Variants in TRMT11 observed in about 807,000 individuals in gnomAD.
The protein encoded by TRMT11 is tRNA (guanine(10)-N(2))-methyltransferase TRMT11.
TRMT11 carries 53 observed loss-of-function variants against 62.8 expected under a neutral mutation model. The observed-to-expected ratio is 0.84, with a 90% CI of 0.68 to 1.06. TRMT11 has a LOEUF of 1.06. Ranked by LOEUF, TRMT11 falls within the 50% of genes least tolerant of loss-of-function variation. The probability of loss-of-function intolerance (pLI) is 0.00; values close to 1 mark genes in which losing one functional copy is unlikely to be tolerated. For synonymous variants in TRMT11, 188 were observed against 190.3 expected, an observed-to-expected ratio of 0.99 and a Z score of 0.10; for missense variants, 556 against 553.4, an observed-to-expected ratio of 1.00 and a Z score of -0.05.
the TRMT11 span, among the ~76,000 whole-genome samples, chr6:126,269,127 A>G: frequency 9.4e-5 from 14 of 149,640 alleles, no homozygotes; most frequent in African/African-American, 2.9e-4. Flanking sequence ...AGCCGGGCGT[A>G]GTGGCGGGCG....
intron 21 of TRMT11, among the ~76,000 whole-genome samples, chr6:126,118,089 C>T (rs1404010780): frequency 6.6e-6 from 1 of 152,058 alleles, no homozygotes; most frequent in Non-Finnish European, 1.5e-5. Flanking sequence ...ATAAATGTTT[C>T]CTGAGAGTCT....
intron 17 of TRMT11, among the ~76,000 whole-genome samples, chr6:126,079,241 A>G (rs1303877020): frequency 6.6e-6 from 1 of 152,096 alleles, no homozygotes; most frequent in Non-Finnish European, 1.5e-5. Context: ...TTATAAGTTT[A>G]TATGTTTAAT....
the TRMT11 span, among the ~76,000 whole-genome samples, chr6:126,215,146 A>T: frequency 1.4e-4 from 21 of 152,036 alleles, 1 homozygote; most frequent in East Asian, 3.3e-3. Flanking sequence ...TGCTGAAGAG[A>T]AGGATGTGTA....
chr6:126,250,454 G>T, the TRMT11 span, among the ~76,000 whole-genome samples: 1 of 152,050 alleles, frequency 6.6e-6, no homozygotes, highest in East Asian at 1.9e-4. Context: ...TGTAAAACAG[G>T]GTGTGTCATA....
At chr6:126,155,484 C>G (rs1778107760) in intron 21 of TRMT11, among the ~76,000 whole-genome samples, 1 of 152,190 alleles carries the variant, frequency 6.6e-6, no homozygotes, top group Non-Finnish European at 1.5e-5. Flanking sequence ...AAAATCATCC[C>G]CTGCCAATAG....
chr6:126,211,239 G>T, the TRMT11 span, among the ~76,000 whole-genome samples: 1 of 152,152 alleles, frequency 6.6e-6, no homozygotes, highest in African/African-American at 2.4e-5. Flanking sequence ...CTTGTATTGT[G>T]TTAGACTTTT....
chr6:126,029,590 TA>T (rs531770972), intron 12 of TRMT11, among the ~76,000 whole-genome samples: 1 of 152,188 alleles, frequency 6.6e-6, no homozygotes, highest in Admixed American at 6.5e-5. Flanking sequence ...AAAACTCACC[TA>T]GGAGAGGAAT....
chr6:126,272,340 G>A, the TRMT11 span, among the ~76,000 whole-genome samples: 4 of 152,114 alleles, frequency 2.6e-5, no homozygotes, highest in African/African-American at 9.6e-5. Flanking sequence ...AAATTTTGAT[G>A]TTTTTTGCAT....
At chr6:126,088,910 A>T (rs1279320247) in intron 17 of TRMT11, among the ~76,000 whole-genome samples, 2 of 152,212 alleles carry the variant, frequency 1.3e-5, no homozygotes, top group African/African-American at 2.4e-5. Context: ...CACTTTTTAT[A>T]TCTAAAATAG....
chr6:126,113,168 G>A (rs1777551001), intron 18 of TRMT11, among the ~76,000 whole-genome samples: 1 of 152,022 alleles, frequency 6.6e-6, no homozygotes, highest in Non-Finnish European at 1.5e-5. Flanking sequence ...GGTTTGAGGG[G>A]CGTTATGTTC....
chr6:126,134,754 T>C (rs577954330), intron 21 of TRMT11, among the ~76,000 whole-genome samples: 1 of 151,816 alleles, frequency 6.6e-6, no homozygotes, highest in Non-Finnish European at 1.5e-5. Flanking sequence ...ACAAAACAAG[T>C]CTCAACAAAT....
At chr6:126,209,723 C>T in the TRMT11 span, among the ~76,000 whole-genome samples, 1 of 151,840 alleles carries the variant, frequency 6.6e-6, no homozygotes, top group South Asian at 2.1e-4. Context: ...GGCGAGACTC[C>T]ATCTCAAAAA....
chr6:126,220,539 G>T, the TRMT11 span, among the ~76,000 whole-genome samples: 5 of 152,292 alleles, frequency 3.3e-5, no homozygotes, highest in Admixed American at 3.3e-4. Flanking sequence ...TATATCCAGA[G>T]TTTCACGCTC....
At chr6:126,269,927 A>T in the TRMT11 span, among the ~76,000 whole-genome samples, 55 of 152,338 alleles carry the variant, frequency 3.6e-4, no homozygotes, top group Non-Finnish European at 6.0e-4. Context: ...CCTGTAAGAG[A>T]GGGAGTGGTG....
chr6:126,002,058 C>A (rs543638880), intron 7 of TRMT11, among the ~76,000 whole-genome samples: 62 of 152,098 alleles, frequency 4.1e-4, no homozygotes, highest in African/African-American at 1.5e-3. Context: ...TGGAGTACTT[C>A]CTTACTTTCT....
intron 9 of TRMT11, 74 bp from the exon 10 acceptor site, chr6:126,012,697 C>A: frequency 9.4e-7 from 1 of 1,061,616 alleles, no homozygotes; most frequent in South Asian, 1.4e-5. Flanking sequence ...CATTTGAAGG[C>A]AGCATGGCTG....
chr6:126,158,290 G>A (rs1778144226), intron 21 of TRMT11, among the ~76,000 whole-genome samples: 1 of 152,104 alleles, frequency 6.6e-6, no homozygotes, highest in South Asian at 2.1e-4. Flanking sequence ...TGGACTGTTT[G>A]ACCTGTAAAG....
chr6:126,146,230 A>T (rs1012719652), intron 21 of TRMT11, among the ~76,000 whole-genome samples: 1 of 152,102 alleles, frequency 6.6e-6, no homozygotes, highest in African/African-American at 2.4e-5. Context: ...TGTTTTATGA[A>T]TTCAGTCTCA....
At chr6:126,118,683 G>C (rs1206928714) in intron 21 of TRMT11, among the ~76,000 whole-genome samples, 2 of 151,664 alleles carry the variant, frequency 1.3e-5, no homozygotes, top group East Asian at 3.9e-4. Flanking sequence ...ATTTTTTTCT[G>C]ACATTGTTTC....
Sources: allele counts gnomAD v4.1 joint callset (sites outside exome capture counted in the v4.1 genomes callset), GRCh38; gene constraint gnomAD v4.1.1; transcripts MANE v1.5; gene names NCBI Gene and HGNC (gene_info 2026-07-23, HGNC 2026-07-21).